Variants in CCDC148 observed in about 807,000 individuals in gnomAD.
The protein encoded by CCDC148 is coiled-coil domain-containing protein 148.
CCDC148 carries 89 observed loss-of-function variants against 85.7 expected under a neutral mutation model. The observed-to-expected ratio is 1.04, with a 90% confidence interval of 0.87 to 1.24. The LOEUF (loss-of-function observed/expected upper bound fraction) is 1.24, where lower values mean the gene tolerates loss of function less well. Ranked by LOEUF, CCDC148 falls within the 50% of genes most tolerant of loss-of-function variation. The probability of loss-of-function intolerance (pLI) is 0.00; values close to 1 mark genes in which losing one functional copy is unlikely to be tolerated. For synonymous variants in CCDC148, 230 were observed against 213.9 expected (o/e 1.08, Z -0.66); for missense variants, 692 against 671.7 (o/e 1.03, Z -0.33).
At chr2:158,227,576 C>T (rs1351616832) in intron 10 of CCDC148, among the ~76,000 whole-genome samples, 3 of 152,096 alleles carry the variant, frequency 2.0e-5, no homozygotes, top group African/African-American at 7.2e-5. Flanking sequence ...GCTACAGTAA[C>T]CAAAACAGCA....
intron 9 of CCDC148, among the ~76,000 whole-genome samples, chr2:158,276,428 G>A (rs772816185): frequency 4.0e-5 from 6 of 150,484 alleles, no homozygotes; most frequent in African/African-American, 4.9e-5. Context: ...AGTGAGACTC[G>A]GTCTCAAAAC....
chr2:158,240,692 C>G (rs1432885178), intron 10 of CCDC148, among the ~76,000 whole-genome samples: 4 of 152,054 alleles, frequency 2.6e-5, no homozygotes, highest in African/African-American at 9.7e-5. Flanking sequence ...ATCACTCTCC[C>G]TCAACAGCAG....
intron 1 of CCDC148, among the ~76,000 whole-genome samples, chr2:158,398,072 G>A (rs1282438342): frequency 6.6e-6 from 1 of 152,082 alleles, no homozygotes; most frequent in Non-Finnish European, 1.5e-5. Context: ...AACAAGAAGA[G>A]CTAACTATCC....
chr2:158,340,656 T>G lies in CCDC148; in HGVS notation c.276A>C (p.Lys92Asn). The G allele has an allele frequency of 6.3e-7, 1 of 1,582,018 alleles. No homozygotes were observed. ...EVRCKMESEI[K>N]SLLNEENIGN... ...CAATGTTCTCTTCATTGAGAAGGGA[T>G]TTTATTTCAGATTCCATTTTACATC... The change falls in exon 4 of 14, where the codon AAA becomes AAC. Residue 92 changes from lysine (K) to asparagine (N), a missense_variant. Coordinates refer to ENST00000283233, the MANE Select transcript of CCDC148 (RefSeq NM_138803.4).
At chr2:158,259,940 A>G (rs11680337) in intron 9 of CCDC148, among the ~76,000 whole-genome samples, 1 of 151,722 alleles carries the variant, frequency 6.6e-6, no homozygotes, top group Non-Finnish European at 1.5e-5. Context: ...CATTTGACTA[A>G]CCCATCTCTT....
chr2:158,269,329 C>A (rs1689601853), intron 9 of CCDC148, among the ~76,000 whole-genome samples: 1 of 152,056 alleles, frequency 6.6e-6, no homozygotes, highest in Non-Finnish European at 1.5e-5. Flanking sequence ...TGTTCATGTA[C>A]CTGTTGGCTC....
intron 11 of CCDC148, among the ~76,000 whole-genome samples, chr2:158,197,318 T>TCCCAC (rs1558973872): frequency 1.3e-5 from 2 of 152,138 alleles, no homozygotes; most frequent in African/African-American, 4.8e-5. Flanking sequence ...AATTTGAAGG[T>TCCCAC]AGAGAGTCTA....
At chr2:158,372,613 C>A (rs947401380) in intron 1 of CCDC148, among the ~76,000 whole-genome samples, 1 of 151,978 alleles carries the variant, frequency 6.6e-6, no homozygotes, top group East Asian at 1.9e-4. Flanking sequence ...TTACGCCTAA[C>A]CTCTCTGACA....
intron 9 of CCDC148, 96 bp from the exon 10 acceptor site, chr2:158,251,008 A>AC (rs960911627): frequency 1.5e-5 from 16 of 1,103,414 alleles, no homozygotes; most frequent in Admixed American, 2.6e-5. Flanking sequence ...AGCAGATGTC[A>AC]CTTTTTTTCC....
intron 9 of CCDC148, among the ~76,000 whole-genome samples, chr2:158,305,830 C>A (rs1388296777): frequency 1.3e-5 from 2 of 151,444 alleles, no homozygotes; most frequent in Admixed American, 1.3e-4. Context: ...AAAGTCTACT[C>A]CCACTATAAG....
At chr2:158,352,706 G>C (rs1574674106) in intron 2 of CCDC148, among the ~76,000 whole-genome samples, 1 of 151,650 alleles carries the variant, frequency 6.6e-6, no homozygotes, top group South Asian at 2.1e-4. Context: ...CCAATGTTCA[G>C]ATTCAGGAAA....
chr2:158,413,888 T>C (rs1686377320), intron 1 of CCDC148, among the ~76,000 whole-genome samples: 1 of 152,170 alleles, frequency 6.6e-6, no homozygotes, highest in Non-Finnish European at 1.5e-5. Context: ...TTATCATATC[T>C]GCCTTACTAA....
intron 1 of CCDC148, among the ~76,000 whole-genome samples, chr2:158,433,913 C>T (rs556976403): frequency 2.2e-4 from 34 of 152,302 alleles, no homozygotes; most frequent in African/African-American, 7.5e-4. Context: ...AAGGCGGCAG[C>T]GAGGCTGGGG....
chr2:158,292,782 C>T (rs554312482), intron 9 of CCDC148, among the ~76,000 whole-genome samples: 21 of 152,208 alleles, frequency 1.4e-4, no homozygotes, highest in African/African-American at 3.6e-4. Context: ...ATTAATGGCA[C>T]GGGCAGATTT....
chr2:158,259,785 C>G (rs576875917), intron 9 of CCDC148, among the ~76,000 whole-genome samples: 25 of 152,022 alleles, frequency 1.6e-4, no homozygotes, highest in Admixed American at 1.2e-3. Flanking sequence ...ACTCCCCAGG[C>G]TTTTGTCCTT....
intron 9 of CCDC148, among the ~76,000 whole-genome samples, chr2:158,263,834 T>C (rs1035081679): frequency 1.3e-5 from 2 of 151,940 alleles, no homozygotes; most frequent in African/African-American, 4.8e-5. Flanking sequence ...TTCCTGTAAT[T>C]AGGGGATTAT....
At chr2:158,363,214 C>T (rs776285511) in intron 1 of CCDC148, among the ~76,000 whole-genome samples, 22 of 152,298 alleles carry the variant, frequency 1.4e-4, no homozygotes, top group Non-Finnish European at 2.2e-4. Flanking sequence ...GATGGCTTCA[C>T]GGCTGAATTC....
At chr2:158,173,243 A>G (rs1684403147) in intron 13 of CCDC148, among the ~76,000 whole-genome samples, 1 of 152,030 alleles carries the variant, frequency 6.6e-6, no homozygotes, top group Admixed American at 6.6e-5. Context: ...GACACCTACA[A>G]ACTCAGAGGT....
intron 11 of CCDC148, among the ~76,000 whole-genome samples, chr2:158,219,319 T>C (rs1176956662): frequency 6.6e-6 from 1 of 152,222 alleles, no homozygotes; most frequent in Non-Finnish European, 1.5e-5. Flanking sequence ...GCTAGCTAAA[T>C]TAGATAACTA....
Sources: gnomAD v4.1 joint callset for allele counts (sites outside exome capture counted in the v4.1 genomes callset) on GRCh38, gnomAD v4.1.1 for gene constraint, MANE v1.5 for transcripts, NCBI Gene and HGNC (gene_info 2026-07-23, HGNC 2026-07-21) for gene names.